Variants in VTI1A observed in about 807,000 individuals in gnomAD.
The protein encoded by VTI1A is vesicle transport through interaction with t-SNAREs homolog 1A.
In VTI1A, 22 loss-of-function variants were observed where a neutral mutation model predicts 34.9. That is an observed-to-expected ratio of 0.63 (90% CI 0.45 to 0.90). The LOEUF (loss-of-function observed/expected upper bound fraction) is 0.90. Ranked by LOEUF, VTI1A falls within the 40% of genes least tolerant of loss-of-function variation. The pLI is 0.00. For synonymous variants in VTI1A, 87 were observed against 97.3 expected (o/e 0.89, Z 0.62); for missense variants, 268 against 275.6 (o/e 0.97, Z 0.20).
chr10:112,664,160 T>C (rs2197444), intron 5 of VTI1A, among the ~76,000 whole-genome samples: 36,966 of 152,110 alleles, frequency 0.24, 5,541 homozygotes, highest in East Asian at 0.59. Context: ...AAAATAAATA[T>C]AGGTGTGCTG....
chr10:112,756,730 C>A lies in VTI1A; in HGVS notation c.561-58560C>A, dbSNP rs146206370. Among the ~76,000 whole-genome samples, 387 of 152,148 alleles carry A rather than the reference C, an allele frequency of 2.5e-3. 3 individuals carry two copies. Among genetic ancestry groups the A allele is most frequent in the African/African-American group, 8.9e-3 (369 of 41,504 alleles). On this transcript the variant is annotated intron_variant, in intron 7 of 7. Coordinates refer to ENST00000393077, the MANE Select transcript of VTI1A (RefSeq NM_145206.4). ...AATAGAGATATCCAGCAATAAAAGG[C>A]AAATGTAAGCCTGCTTTCTTTAAGA... is the stretch of plus-strand genomic sequence containing the variant.
At chr10:112,482,416 C>CA (rs1421925542) in intron 3 of VTI1A, among the ~76,000 whole-genome samples, 1 of 152,060 alleles carries the variant, frequency 6.6e-6, no homozygotes. Context: ...AAGTTTTTGT[C>CA]AGTGCATTTT....
chr10:112,550,802 G>T (rs1851321107), intron 5 of VTI1A, among the ~76,000 whole-genome samples: 1 of 151,990 alleles, frequency 6.6e-6, no homozygotes, highest in African/African-American at 2.4e-5. Flanking sequence ...AAGGAAAAAG[G>T]CTTTTTGGAA....
chr10:112,751,911 A>G (rs1239845115), intron 7 of VTI1A, among the ~76,000 whole-genome samples: 2 of 152,186 alleles, frequency 1.3e-5, no homozygotes, highest in Non-Finnish European at 2.9e-5. Flanking sequence ...GTGAATTCAC[A>G]TGGTGGTGTG....
intron 5 of VTI1A, among the ~76,000 whole-genome samples, chr10:112,618,495 A>T (rs1294760652): frequency 1.6e-5 from 1 of 63,428 alleles, no homozygotes; most frequent in East Asian, 6.2e-4. Context: ...TATATTATAT[A>T]TATATATATA....
rs76151975 is a variant in VTI1A at position 112,483,473 on chromosome 10, T to C, written c.264+18816T>C. ...GCTGCCTTTTAGGGCAGCAAAGATA[T>C]GATTTTTCTTTTGACTGAACACTAG... On this transcript the variant is annotated intron_variant, in intron 3 of 7. Transcript: ENST00000393077. 0.011 allele frequency among the ~76,000 whole-genome samples: 1,682 copies of C among 152,310 alleles called. 64 individuals carry two copies. The East Asian group carries it at 0.12, about 11-fold the overall frequency.
chr10:112,762,978 T>C (rs1851521390), intron 7 of VTI1A, among the ~76,000 whole-genome samples: 2 of 152,126 alleles, frequency 1.3e-5, no homozygotes, highest in Admixed American at 1.3e-4. Context: ...TGAAAGATGT[T>C]TCTGCATAGC....
At chr10:112,484,338 C>G (rs1343569283) in intron 3 of VTI1A, among the ~76,000 whole-genome samples, 2 of 152,212 alleles carry the variant, frequency 1.3e-5, no homozygotes, top group Non-Finnish European at 2.9e-5. Context: ...TGAAACTTTT[C>G]ACATTGCTTT....
intron 5 of VTI1A, among the ~76,000 whole-genome samples, chr10:112,610,491 A>G (rs1845254401): frequency 6.6e-6 from 1 of 152,244 alleles, no homozygotes; most frequent in Non-Finnish European, 1.5e-5. Context: ...AATTTCTTTT[A>G]GACAGTTGAC....
chr10:112,691,637 G>A (rs139691480), intron 7 of VTI1A, among the ~76,000 whole-genome samples: 1 of 152,336 alleles, frequency 6.6e-6, no homozygotes, highest in East Asian at 1.9e-4. Context: ...ACATAGAAAT[G>A]TGAGTTAGCA....
At chr10:112,538,162 T>A in intron 4 of VTI1A, 84 bp from the exon 5 acceptor site, 1 of 1,253,358 alleles carries the variant, frequency 8.0e-7, no homozygotes, top group Non-Finnish European at 1.1e-6. Context: ...TGTTAGGGCA[T>A]ACGAAGGCAT....
chr10:112,652,147 C>G (rs1847051055), intron 5 of VTI1A, among the ~76,000 whole-genome samples: 1 of 152,206 alleles, frequency 6.6e-6, no homozygotes, highest in African/African-American at 2.4e-5. Flanking sequence ...AGTATGGTTG[C>G]AGCAGTGCTT....
chr10:112,532,102 A>C (rs1440839527), intron 4 of VTI1A, among the ~76,000 whole-genome samples: 1 of 152,252 alleles, frequency 6.6e-6, no homozygotes, highest in African/African-American at 2.4e-5. Flanking sequence ...GATTCTTAAC[A>C]GTTTTTAAAA....
chr10:112,820,119 T>C (rs895444810), downstream of VTI1A, among the ~76,000 whole-genome samples: 8 of 152,218 alleles, frequency 5.3e-5, no homozygotes, highest in African/African-American at 1.9e-4. Context: ...CTTTGGTTAC[T>C]ATGGGCGTAG....
At chr10:112,685,420 T>C (rs1454247068) in intron 7 of VTI1A, among the ~76,000 whole-genome samples, 1 of 152,236 alleles carries the variant, frequency 6.6e-6, no homozygotes, top group Non-Finnish European at 1.5e-5. Context: ...TATGTGAGTA[T>C]TAATGCTGCT....
chr10:112,690,311 A>G (rs370275428), intron 7 of VTI1A, among the ~76,000 whole-genome samples: 2 of 152,326 alleles, frequency 1.3e-5, no homozygotes, highest in Non-Finnish European at 1.5e-5. Flanking sequence ...TGGTAAGTAT[A>G]TGTTTAATTT....
In VTI1A at chr10:112,700,417, A is replaced by G. The variant is rs75002392; in HGVS notation, c.560+31419A>G. On this transcript the variant is annotated intron_variant, in intron 7 of 7. Coordinates refer to ENST00000393077, the MANE Select transcript of VTI1A (RefSeq NM_145206.4). Reference sequence around the variant, plus strand: ...TACAAATGAAAAATAACTCCAATCTATTGAGCATGAACTATGAGCTAGTTC... The same window carrying G: ...TACAAATGAAAAATAACTCCAATCTGTTGAGCATGAACTATGAGCTAGTTC... Among the ~76,000 whole-genome samples the G allele has an allele frequency of 5.1e-3, 772 of 152,356 alleles. 8 individuals are homozygous for G. The highest frequency in any genetic ancestry group is 0.018 in the African/African-American group (737 of 41,582).
At chr10:112,481,956 T>A (rs1480685943) in intron 3 of VTI1A, among the ~76,000 whole-genome samples, 1 of 152,180 alleles carries the variant, frequency 6.6e-6, no homozygotes, top group Admixed American at 6.5e-5. Context: ...AAAATTGAAG[T>A]TCCTTTTGTG....
chr10:112,647,856 G>A (rs550510123), intron 5 of VTI1A, among the ~76,000 whole-genome samples: 2 of 152,138 alleles, frequency 1.3e-5, no homozygotes, highest in African/African-American at 2.4e-5. Flanking sequence ...TGCAACCTTC[G>A]CCTCCCGGGC....
Sources: gnomAD v4.1 joint callset for allele counts (sites outside exome capture counted in the v4.1 genomes callset) on GRCh38, gnomAD v4.1.1 for gene constraint, MANE v1.5 for transcripts, NCBI Gene and HGNC (gene_info 2026-07-23, HGNC 2026-07-21) for gene names.